MAML3: variants seen among roughly 807,000 people sequenced by gnomAD.
MAML3 encodes the protein mastermind-like protein 3.
A neutral mutation model predicts 101.9 loss-of-function variants in MAML3; 27 were observed. The ratio of observed to expected loss-of-function variants is 0.27; its 90% CI spans 0.20 to 0.37. The LOEUF (loss-of-function observed/expected upper bound fraction) is 0.37. Ranked by LOEUF, MAML3 falls within the 10% of genes least tolerant of loss-of-function variation. The pLI is 1.00. For missense variants in MAML3, 1,316 were observed against 1,444.9 expected, an observed-to-expected ratio of 0.91 and a Z score of 1.45; for synonymous variants, 501 against 555.9, an observed-to-expected ratio of 0.90 and a Z score of 1.39.
chr4:139,787,968 A>G (rs1176488370), intron 2 of MAML3, among the ~76,000 whole-genome samples: 1 of 152,126 alleles, frequency 6.6e-6, no homozygotes, highest in African/African-American at 2.4e-5. Context: ...TTCTTGTTAC[A>G]CTTTTGGAAA....
intron 2 of MAML3, among the ~76,000 whole-genome samples, chr4:139,760,850 A>G (rs1729742792): frequency 6.6e-6 from 1 of 152,190 alleles, no homozygotes; most frequent in South Asian, 2.1e-4. Context: ...AAGAAAGAAA[A>G]ATGAGTACAG....
At chr4:139,821,270 A>G (rs1313225524) in intron 2 of MAML3, among the ~76,000 whole-genome samples, 1 of 152,130 alleles carries the variant, frequency 6.6e-6, no homozygotes, top group African/African-American at 2.4e-5. Context: ...CCTGTTAGGA[A>G]CCAGGTGGCA....
At chr4:140,077,035 C>T (rs1234420641) in intron 1 of MAML3, among the ~76,000 whole-genome samples, 3 of 151,940 alleles carry the variant, frequency 2.0e-5, no homozygotes, top group African/African-American at 7.3e-5. Context: ...GGATTACAGG[C>T]GCCCGCCACC....
At position 139,770,156 on chromosome 4, in the gene MAML3, T is replaced by G. The variant is rs112897968; in HGVS notation, c.2080-39489A>C. On this transcript the variant is annotated intron_variant, in intron 2 of 4. Transcript: ENST00000509479. ...TATGTTGCCCAGGTTGGTCTCAATC[T>G]TCTGGGCTCCAGCGATCCTCCCGCC... is the stretch of plus-strand genomic sequence containing the variant. Among the ~76,000 whole-genome samples the G allele has an allele frequency of 2.3e-3, 348 of 152,254 alleles. 1 individual carries two copies. The highest frequency in any genetic ancestry group is 7.5e-3 in the African/African-American group (311 of 41,538).
At chr4:140,107,968 C>T (rs1362027224) in intron 1 of MAML3, among the ~76,000 whole-genome samples, 1 of 151,654 alleles carries the variant, frequency 6.6e-6, no homozygotes, top group African/African-American at 2.4e-5. Context: ...CAGGGAACTA[C>T]CATGCAAATT....
chr4:139,794,807 C>G (rs1730483666), intron 2 of MAML3, among the ~76,000 whole-genome samples: 1 of 152,212 alleles, frequency 6.6e-6, no homozygotes, highest in South Asian at 2.1e-4. Context: ...GTCTTTGCTC[C>G]TCTGTGGAGC....
At chr4:139,721,812 G>A (rs180788) in intron 4 of MAML3, among the ~76,000 whole-genome samples, 140,614 of 152,288 alleles carry the variant, frequency 0.92, 65,046 homozygotes, top group East Asian at 1. Context: ...TTGAAAAATC[G>A]AAAGTTCCTA....
intron 1 of MAML3, among the ~76,000 whole-genome samples, chr4:139,922,878 G>C (rs1291680736): frequency 2.0e-5 from 3 of 152,154 alleles, no homozygotes; most frequent in Admixed American, 2.0e-4. Context: ...TGTCAGCATT[G>C]GCCAGCAGTA....
intron 1 of MAML3, among the ~76,000 whole-genome samples, chr4:139,971,050 G>A (rs1332840796): frequency 6.6e-6 from 1 of 152,188 alleles, no homozygotes; most frequent in Non-Finnish European, 1.5e-5. Flanking sequence ...ATGTGTCTAT[G>A]TATTAAGGAC....
intron 1 of MAML3, among the ~76,000 whole-genome samples, chr4:139,993,032 T>C (rs1010681164): frequency 1.3e-5 from 2 of 152,226 alleles, no homozygotes; most frequent in Admixed American, 6.5e-5. Context: ...TATATTCTAA[T>C]ATTTGGCTGC....
intron 1 of MAML3, among the ~76,000 whole-genome samples, chr4:139,989,798 G>A (rs1477012540): frequency 1.3e-5 from 2 of 149,870 alleles, no homozygotes; most frequent in Non-Finnish European, 3.0e-5. Flanking sequence ...TATTCATCCA[G>A]TCTCTGCCCT....
intron 1 of MAML3, 72 bp from the exon 2 acceptor site, chr4:139,891,039 C>T (rs1732485906): frequency 6.7e-7 from 1 of 1,496,922 alleles, no homozygotes; most frequent in Non-Finnish European, 8.9e-7. Flanking sequence ...TTGAGATGTG[C>T]ATTGCGATGA....
intron 1 of MAML3, among the ~76,000 whole-genome samples, chr4:139,978,218 C>T (rs760390854): frequency 7.9e-5 from 12 of 152,180 alleles, no homozygotes; most frequent in Non-Finnish European, 1.5e-4. Flanking sequence ...GGACCAAAGT[C>T]TCTCTCTTGA....
At chr4:140,141,941 G>A (rs1728985922) in intron 1 of MAML3, among the ~76,000 whole-genome samples, 1 of 152,146 alleles carries the variant, frequency 6.6e-6, no homozygotes, top group Admixed American at 6.5e-5. Flanking sequence ...CCCTAAATCT[G>A]TGCTACAGAA....
intron 2 of MAML3, among the ~76,000 whole-genome samples, chr4:139,877,323 G>A (rs112149871): frequency 3.3e-5 from 5 of 152,014 alleles, no homozygotes; most frequent in Non-Finnish European, 5.9e-5. Context: ...TCTTTGTATA[G>A]GAAAGCAGCA....
rs137898603 is a variant in MAML3, at chr4:139,861,298, T to G, written c.2079+28059A>C. Among the ~76,000 whole-genome samples, 737 of 152,238 alleles carry G rather than the reference T, an allele frequency of 4.8e-3. 24 individuals carry two copies. Among genetic ancestry groups the G allele is most frequent in the Admixed American group, 0.044 (679 of 15,288 alleles). On this transcript the variant is annotated intron_variant, in intron 2 of 4. Coordinates refer to ENST00000509479, the MANE Select transcript of MAML3 (RefSeq NM_018717.5). ...TCCCGAAGGCTCTATCCTCAACTCA[T>G]TCTCTTCTCCCTGTATGATTTTATC...
At chr4:139,746,644 T>A (rs746787491) in intron 2 of MAML3, among the ~76,000 whole-genome samples, 2 of 152,142 alleles carry the variant, frequency 1.3e-5, no homozygotes, top group African/African-American at 2.4e-5. Context: ...TCCCACAGTA[T>A]CTAAAGGAAC....
intron 1 of MAML3, chr4:140,133,093 T>C (rs1470429336): frequency 8.9e-6 from 4 of 448,564 alleles, no homozygotes; most frequent in Non-Finnish European, 1.8e-5. Flanking sequence ...GGAGCCACTA[T>C]GTGCTGTTAC....
At chr4:139,975,636 G>T (rs1421106147) in intron 1 of MAML3, among the ~76,000 whole-genome samples, 2 of 152,236 alleles carry the variant, frequency 1.3e-5, no homozygotes, top group Admixed American at 1.3e-4. Flanking sequence ...ATTCACTGCT[G>T]TATGTCTCAA....
Sources: gnomAD v4.1 joint callset for allele counts (sites outside exome capture counted in the v4.1 genomes callset) on GRCh38, gnomAD v4.1.1 for gene constraint, MANE v1.5 for transcripts, NCBI Gene and HGNC (gene_info 2026-07-23, HGNC 2026-07-21) for gene names.